GADL1: variants seen among roughly 807,000 people sequenced by gnomAD.
GADL1 encodes acidic amino acid decarboxylase GADL1.
In GADL1, 71 loss-of-function variants were observed where a neutral mutation model predicts 69.5. The ratio of observed to expected loss-of-function variants is 1.02; its 90% CI spans 0.84 to 1.25. GADL1 has a LOEUF of 1.25. GADL1 is among the 50% of genes most tolerant of loss of function. The probability of loss-of-function intolerance (pLI) is 0.00; values close to 1 mark genes in which losing one functional copy is unlikely to be tolerated. For missense variants in GADL1, 737 were observed against 631.8 expected, an observed-to-expected ratio of 1.17 and a Z score of -1.79; for synonymous variants, 254 against 214.4, an observed-to-expected ratio of 1.18 and a Z score of -1.62.
At chr3:30,735,787 G>A (rs970435538) in intron 14 of GADL1, among the ~76,000 whole-genome samples, 2 of 152,072 alleles carry the variant, frequency 1.3e-5, no homozygotes, top group Non-Finnish European at 2.9e-5. Context: ...AAGGCATTTT[G>A]AACATGGTGG....
At chr3:30,815,455 G>C (rs1697450797) in intron 11 of GADL1, among the ~76,000 whole-genome samples, 2 of 152,198 alleles carry the variant, frequency 1.3e-5, no homozygotes, top group South Asian at 4.1e-4. Flanking sequence ...CAGATTGCAA[G>C]TGTCCCGAAG....
In GADL1 at chr3:30,762,927, T is replaced by C. The variant is rs547649115; in HGVS notation, c.1392+15252A>G. 1.2e-4 allele frequency among the ~76,000 whole-genome samples: 18 copies of C among 152,374 alleles called. No individual in the cohort carries two copies. The East Asian group carries it at 2.1e-3, about 18-fold the overall frequency. ...CAAATGACTGGATCTCATTCTTTTA[T>C]GGTTGACTAGTATTCCATTGTGTAT... On this transcript the variant is annotated intron_variant, in intron 14 of 14. Coordinates refer to ENST00000282538, the MANE Select transcript of GADL1 (RefSeq NM_207359.3).
At chr3:30,805,654 A>T (rs1400462212) in intron 11 of GADL1, among the ~76,000 whole-genome samples, 4 of 150,914 alleles carry the variant, frequency 2.7e-5, no homozygotes, top group Non-Finnish European at 1.5e-5. Flanking sequence ...TATAGGCCAG[A>T]TCAGAATCTG....
intron 14 of GADL1, among the ~76,000 whole-genome samples, chr3:30,754,168 T>C (rs1316556535): frequency 1.3e-5 from 2 of 152,218 alleles, no homozygotes; most frequent in African/African-American, 2.4e-5. Flanking sequence ...GGTTGTGGAT[T>C]GGCTTTTGAA....
chr3:30,782,408 G>A (rs555658522), intron 13 of GADL1, among the ~76,000 whole-genome samples: 93 of 152,070 alleles, frequency 6.1e-4, no homozygotes, highest in Non-Finnish European at 7.1e-4. Flanking sequence ...TATACTTAGC[G>A]GGGAAGAAAA....
intron 11 of GADL1, among the ~76,000 whole-genome samples, chr3:30,827,582 CATT>C (rs1452219376): frequency 6.6e-6 from 1 of 151,872 alleles, no homozygotes; most frequent in East Asian, 1.9e-4. Flanking sequence ...GAGGCTCTAA[CATT>C]ATTATCCCTT....
At chr3:30,743,941 TC>T in intron 14 of GADL1, among the ~76,000 whole-genome samples, 1 of 152,204 alleles carries the variant, frequency 6.6e-6, no homozygotes, top group African/African-American at 2.4e-5. Context: ...AGACAGGGGC[TC>T]CTCCATCAGT....
intron 14 of GADL1, among the ~76,000 whole-genome samples, chr3:30,754,789 T>TTA (rs1487611028): frequency 6.6e-6 from 1 of 152,180 alleles, no homozygotes; most frequent in East Asian, 1.9e-4. Flanking sequence ...GAAGATGTAA[T>TTA]TACCCAGCAT....
intron 1 of GADL1, among the ~76,000 whole-genome samples, chr3:30,889,409 G>A (rs1352298421): frequency 6.6e-6 from 1 of 152,142 alleles, no homozygotes; most frequent in Non-Finnish European, 1.5e-5. Flanking sequence ...ATTCAATGGT[G>A]GCCACCTTGC....
At chr3:30,762,152 T>A (rs960866820) in intron 14 of GADL1, among the ~76,000 whole-genome samples, 1 of 152,158 alleles carries the variant, frequency 6.6e-6, no homozygotes, top group Admixed American at 6.5e-5. Flanking sequence ...ATAGTGGAAT[T>A]TGAAGGAGTC....
chr3:30,741,685 G>C (rs955441470), intron 14 of GADL1, among the ~76,000 whole-genome samples: 2 of 152,098 alleles, frequency 1.3e-5, no homozygotes, highest in Non-Finnish European at 2.9e-5. Flanking sequence ...ATTATATTAA[G>C]CCCATGTATA....
At chr3:30,790,036 A>G (rs1357899830) in intron 12 of GADL1, among the ~76,000 whole-genome samples, 2 of 152,218 alleles carry the variant, frequency 1.3e-5, no homozygotes, top group African/African-American at 4.8e-5. Context: ...TATTTGGCAA[A>G]AGAGGCCTAA....
chr3:30,887,643 A>AAG (rs1286086184), intron 1 of GADL1, among the ~76,000 whole-genome samples: 1 of 152,176 alleles, frequency 6.6e-6, no homozygotes, highest in Non-Finnish European at 1.5e-5. Flanking sequence ...AGCAAGAGAA[A>AAG]AGAGACTAAG....
intron 14 of GADL1, among the ~76,000 whole-genome samples, chr3:30,767,487 A>C (rs1169753088): frequency 6.6e-6 from 1 of 152,136 alleles, no homozygotes; most frequent in South Asian, 2.1e-4. Flanking sequence ...AGACCCCATA[A>C]TAAAGTGTTA....
rs77089226 is a variant in GADL1 at position 30,819,282 on chromosome 3, G to A, written c.1050+14571C>T. Among the ~76,000 whole-genome samples, 260 of 151,970 alleles carry A rather than the reference G, an allele frequency of 1.7e-3. 1 individual carries two copies. The highest frequency in any genetic ancestry group is 5.9e-3 in the African/African-American group (244 of 41,452). ...ACTCTGAGGCCTGTTTATCTACTTG[G>A]GAAAGAGGGTGTGAACTAAAAATGG... On this transcript the variant is annotated intron_variant, in intron 11 of 14. Coordinates refer to ENST00000282538, the MANE Select transcript of GADL1 (RefSeq NM_207359.3).
intron 5 of GADL1, 110 bp downstream of exon 5, chr3:30,850,725 A>G: frequency 1.5e-6 from 1 of 649,610 alleles, no homozygotes; most frequent in East Asian, 2.7e-5. Context: ...AAGTAGAATT[A>G]TTAATATCCA....
At chr3:30,755,194 A>G (rs1695938660) in intron 14 of GADL1, among the ~76,000 whole-genome samples, 1 of 152,180 alleles carries the variant, frequency 6.6e-6, no homozygotes, top group African/African-American at 2.4e-5. Context: ...CTTACTGTAA[A>G]TCATATCATT....
intron 4 of GADL1, among the ~76,000 whole-genome samples, chr3:30,852,347 A>G (rs528400301): frequency 8.5e-5 from 13 of 152,228 alleles, no homozygotes; most frequent in East Asian, 1.9e-4. Context: ...CCCCATCTCT[A>G]TTAAAAATAC....
rs1188963955 is a variant in GADL1 at position 30,844,586 on chromosome 3, A to G, written c.652-120T>C. The G allele has an allele frequency of 1.8e-5, 13 of 713,340 alleles. No individual in the cohort carries two copies. In the East Asian group the frequency reaches 3.0e-4, roughly 16 times the overall value. 44.2% of individuals were successfully genotyped at this position (713,340 alleles called of 1,614,324 possible). ...AGCACAATCTTTGGGACATTATTGC[A>G]TAAAAAAGTAATTTAATTGAGCTCC... On this transcript the variant is annotated intron_variant, in intron 6 of 14. Coordinates refer to ENST00000282538, the MANE Select transcript of GADL1 (RefSeq NM_207359.3).
Sources: allele counts gnomAD v4.1 joint callset (sites outside exome capture counted in the v4.1 genomes callset), GRCh38; gene constraint gnomAD v4.1.1; transcripts MANE v1.5; gene names NCBI Gene and HGNC (gene_info 2026-07-23, HGNC 2026-07-21).